Variants in BRIP1 observed in about 807,000 individuals in gnomAD.
BRIP1 encodes the protein BRCA1 interacting DNA helicase 1.
BRIP1 carries 88 observed loss-of-function variants against 119.7 expected under a neutral mutation model. The observed-to-expected ratio is 0.74, with a 90% confidence interval of 0.62 to 0.88. The LOEUF is 0.88. Among genes scored for constraint, BRIP1 ranks in the 40% least tolerant of loss-of-function variants. The pLI is 0.00. For missense variants in BRIP1, 1,259 were observed against 1,455.4 expected (o/e 0.87, Z 2.20); for synonymous variants, 443 against 496.5 (o/e 0.89, Z 1.43).
In BRIP1 at chr17:61,805,516, G is replaced by A. The variant is rs2078061680; in HGVS notation, c.918+2951C>T. 6.6e-6 allele frequency among the ~76,000 whole-genome samples: 1 copy of A among 152,182 alleles called. No homozygotes were observed. The highest frequency in any genetic ancestry group is 2.1e-4 in the South Asian group (1 of 4,828). The stretch of plus-strand genomic sequence containing the variant: ...TGTAACCAAAATAGCAATGGATGAG[G>A]AATCAGAAAATTTGGGTTCTGGTCC... On this transcript the variant is annotated intron_variant, in intron 7 of 19. Transcript: ENST00000259008. The surrounding 1 kb of genome is among the most constrained non-coding windows in gnomAD (Gnocchi z 5.6).
In BRIP1 at chr17:61,857,461, C is replaced by T. The variant is rs1160717778; in HGVS notation, c.206-230G>A. On this transcript the variant is annotated intron_variant, in intron 3 of 19. Transcript: ENST00000259008. The surrounding 1 kb of genome is among the most constrained non-coding windows in gnomAD (Gnocchi z 5.1). ...ACATTTGGTTGGACACAGTGGCTCA[C>T]GCCTGTTATCCTAGCACTTTGGGAG... Among the ~76,000 whole-genome samples the T allele has an allele frequency of 5.9e-5, 9 of 152,154 alleles. No homozygotes were observed. Among genetic ancestry groups the T allele is most frequent in the African/African-American group, 9.7e-5 (4 of 41,436 alleles).
intron 10 of BRIP1, among the ~76,000 whole-genome samples, chr17:61,787,188 T>A (rs1603338316): frequency 1.1e-5 from 1 of 87,056 alleles, no homozygotes. Context: ...AAAAATATAT[T>A]ATATACTATA....
rs1000574859 is a variant in BRIP1 at position 61,842,077 on chromosome 17, C to T, written c.627+5024G>A. Reference sequence around the variant, plus strand: ...ATGAATGGATAAAGAAAATGTGACACATATACACAATGGAATATTATTCAG... The same window carrying T: ...ATGAATGGATAAAGAAAATGTGACATATATACACAATGGAATATTATTCAG... On this transcript the variant is annotated intron_variant, in intron 6 of 19. Coordinates refer to ENST00000259008, the MANE Select transcript of BRIP1 (RefSeq NM_032043.3). The surrounding 1 kb of genome is among the most constrained non-coding windows in gnomAD (Gnocchi z 5.1). Among the ~76,000 whole-genome samples the T allele has an allele frequency of 5.3e-5, 8 of 152,132 alleles. No individual in the cohort carries two copies. The highest frequency in any genetic ancestry group is 3.3e-4 in the Admixed American group (5 of 15,272).
intron 6 of BRIP1, among the ~76,000 whole-genome samples, chr17:61,836,528 C>T (rs1236628478): frequency 6.6e-6 from 1 of 152,110 alleles, no homozygotes; most frequent in Non-Finnish European, 1.5e-5. Context: ...AGTGGTGAAT[C>T]ATACATCTAC....
In BRIP1 at chr17:61,776,364, T is replaced by A. The variant is rs749336799; in HGVS notation, c.2097+37A>T. The A allele has an allele frequency of 1.9e-6, 3 of 1,610,120 alleles. No homozygotes were observed. The East Asian group carries it at 6.7e-5, about 36-fold the overall frequency. Reference sequence around the variant, plus strand: ...TGCCAATGTTTAAAATGTAAATGATTATTTAAAGGCAAAAGAAACAATAAA... The same window carrying A: ...TGCCAATGTTTAAAATGTAAATGATAATTTAAAGGCAAAAGAAACAATAAA... On this transcript the variant is annotated intron_variant, in intron 14 of 19. Transcript: ENST00000259008. The surrounding 1 kb of genome is among the most constrained non-coding windows in gnomAD (Gnocchi z 5.0).
intron 6 of BRIP1, among the ~76,000 whole-genome samples, chr17:61,821,067 G>T (rs2078315499): frequency 6.6e-6 from 1 of 152,166 alleles, no homozygotes; most frequent in Non-Finnish European, 1.5e-5. Context: ...CTCTCTAGAG[G>T]TTTCCATTGG....
At chr17:61,840,355 C>CA (rs11334899) in intron 6 of BRIP1, among the ~76,000 whole-genome samples, 38,523 of 105,012 alleles carry the variant, frequency 0.37, 6,948 homozygotes, top group African/African-American at 0.39. Flanking sequence ...GACTCCGTCT[C>CA]AAAAAAAAAA....
Position 61,683,216 on chromosome 17 carries a change from A to T in BRIP1, c.*80T>A. 1 of 1,426,206 alleles carries T rather than the reference A, an allele frequency of 7.0e-7. No homozygotes were observed. The highest frequency in any genetic ancestry group is 9.7e-7 in the Non-Finnish European group (1 of 1,033,842). 88.3% of individuals were successfully genotyped at this position (1,426,206 alleles called of 1,614,324 possible). On this transcript the variant is annotated 3_prime_UTR_variant, in exon 20 of 20. Transcript: ENST00000259008. The surrounding 1 kb of genome is among the most constrained non-coding windows in gnomAD (Gnocchi z 4.7). ...TTTTTAAAAAGTATGCCACTTATTC[A>T]ATTTACAAATTATTACTTACAACAG... is the stretch of plus-strand genomic sequence containing the variant.
rs899397535 is a variant in BRIP1 at position 61,861,820 on chromosome 17, A to C, written c.-30-251T>G. 17 of 501,626 alleles carry C rather than the reference A, an allele frequency of 3.4e-5. No homozygotes were observed. The highest frequency in any genetic ancestry group is 5.8e-5 in the Non-Finnish European group (16 of 277,100). The allele number at this position is 501,626 out of a possible 1,614,324, so 31.1% of individuals were successfully genotyped here. A position where few individuals can be genotyped will look rare whatever the true frequency, so the allele number is the denominator to read the frequency against. On this transcript the variant is annotated intron_variant, in intron 1 of 19. Transcript: ENST00000259008. The surrounding 1 kb of genome is among the most constrained non-coding windows in gnomAD (Gnocchi z 4.5). ...TTGTGTGACTTCGGGAAAGTTAGTT[A>C]CCTTCTCTAAGCCACAGTGACTGCA...
chr17:61,711,565 C>T (rs901416625), intron 17 of BRIP1, among the ~76,000 whole-genome samples: 1 of 152,012 alleles, frequency 6.6e-6, no homozygotes, highest in African/African-American at 2.4e-5. Context: ...ATGCAGAATA[C>T]CATTCTAAAA....
intron 6 of BRIP1, among the ~76,000 whole-genome samples, chr17:61,836,967 G>A (rs1197990408): frequency 1.3e-5 from 2 of 152,286 alleles, no homozygotes; most frequent in African/African-American, 4.8e-5. Context: ...CTACTCACCA[G>A]GTTTGTGACA....
chr17:61,685,749 A>T, intron 19 of BRIP1, 87 bp downstream of exon 19: 1 of 1,202,526 alleles, frequency 8.3e-7, no homozygotes, highest in Non-Finnish European at 1.2e-6. Flanking sequence ...ATATTTAAGG[A>T]ATTAATCTAT....
In BRIP1 at chr17:61,859,790, A is replaced by AAGATAT. The variant is rs2078948330; in HGVS notation, c.205+5_205+6insATATCT. The stretch of plus-strand genomic sequence containing the variant: ...AGTAACCTGAAGATATCAAGCAACT[A>AAGATAT]CTTACCACTAAGAGATTGTTGCCAT... On this transcript the variant is annotated splice_donor_region_variant and intron_variant, in intron 3 of 19. Transcript: ENST00000259008. 6.3e-7 allele frequency: 1 copy of AAGATAT among 1,589,782 alleles called. No individual in the cohort carries two copies. The highest frequency in any genetic ancestry group is 1.7e-5 in the Admixed American group (1 of 59,960).
chr17:61,711,866 A>C (rs1036734250), intron 17 of BRIP1, among the ~76,000 whole-genome samples: 2 of 147,864 alleles, frequency 1.4e-5, no homozygotes, highest in African/African-American at 5.1e-5. Context: ...AGACTCTCTC[A>C]AAAAAAAAAT....
chr17:61,799,176 G>T lies in BRIP1; in HGVS notation c.1264C>A (p.Leu422Ile), dbSNP rs768633507. ...EVQLRFARDE[L>I]DSMVNNNIRK... is the part of the protein sequence containing the mutation. ...ATATTATTGTTGACCATACTATCTA[G>T]TTCATCCCGAGCAAACCGAAGCTGA... Residue 422 changes from leucine to isoleucine, a missense_variant, in exon 9 of 20, where the codon CTA becomes ATA. This residue lies in a region of BRIP1 where 501 missense variants were observed against 544.0 expected (regional missense o/e 0.92). Transcript: ENST00000259008. This position sits in a 1 kb window ranked among gnomAD's most constrained non-coding sequence, Gnocchi z 5.1. 1 of 1,613,622 alleles carries T rather than the reference G, an allele frequency of 6.2e-7. No homozygotes were observed. The highest frequency in any genetic ancestry group is 1.1e-5 in the South Asian group (1 of 91,076).
chr17:61,721,692 C>CTTTTTT (rs71150632), intron 16 of BRIP1, among the ~76,000 whole-genome samples: 6 of 73,626 alleles, frequency 8.1e-5, no homozygotes, highest in East Asian at 4.3e-4. Flanking sequence ...TAGACTTTGC[C>CTTTTTT]TTTTTTTTTT....
Position 61,780,920 on chromosome 17 carries a change from CCAA to C in BRIP1, c.1711_1713del (p.Leu571del), listed in dbSNP as rs754566378. On this transcript the variant is annotated inframe_deletion, in exon 12 of 20. Coordinates refer to ENST00000259008, the MANE Select transcript of BRIP1 (RefSeq NM_032043.3). This position sits in a 1 kb window ranked among gnomAD's most constrained non-coding sequence, Gnocchi z 5.4. ...GAACGTTTCTTATTTTTTGGTAGAACCAACAACCCATTTTTGTCTGAAATATCA... is the reference window on the plus strand; with the variant it reads ...GAACGTTTCTTATTTTTTGGTAGAACCAACCCATTTTTGTCTGAAATATCA... The C allele has an allele frequency of 6.2e-7, 1 of 1,614,046 alleles. No individual in the cohort carries two copies. The highest frequency in any genetic ancestry group is 1.7e-5 in the Admixed American group (1 of 60,016).
rs1172003693 is a variant in BRIP1 at position 61,770,719 on chromosome 17, T to A, written c.2097+5682A>T. Among the ~76,000 whole-genome samples the A allele has an allele frequency of 2.0e-5, 3 of 151,932 alleles. No homozygotes were observed. The highest frequency in any genetic ancestry group is 2.9e-5 in the Non-Finnish European group (2 of 67,954). On this transcript the variant is annotated intron_variant, in intron 14 of 19. Coordinates refer to ENST00000259008, the MANE Select transcript of BRIP1 (RefSeq NM_032043.3). The surrounding 1 kb of genome is among the most constrained non-coding windows in gnomAD (Gnocchi z 4.7). ...AACTACATAAGATGTTAAATATAAT[T>A]CCTAGGACAACCACTAAGAAAATAA...
At chr17:61,837,816 G>A (rs549566569) in intron 6 of BRIP1, among the ~76,000 whole-genome samples, 1 of 152,122 alleles carries the variant, frequency 6.6e-6, no homozygotes, top group Admixed American at 6.5e-5. Flanking sequence ...TAAGGAAAGG[G>A]ATCAAGCAGG....
Sources: allele counts gnomAD v4.1 joint callset (sites outside exome capture counted in the v4.1 genomes callset), GRCh38; gene constraint gnomAD v4.1.1; regional missense constraint gnomAD v4.1.1; non-coding constraint Gnocchi (gnomAD v3.1); transcripts MANE v1.5; gene names NCBI Gene and HGNC (gene_info 2026-07-23, HGNC 2026-07-21).